Variants in PTPRG observed in about 807,000 individuals in gnomAD.
PTPRG encodes the protein receptor-type tyrosine-protein phosphatase gamma.
PTPRG carries 102 observed loss-of-function variants against 165.3 expected under a neutral mutation model. That is an observed-to-expected ratio of 0.62 (90% CI 0.53 to 0.73). The LOEUF (loss-of-function observed/expected upper bound fraction) is 0.73. PTPRG is among the 30% of genes least tolerant of loss of function. The probability of loss-of-function intolerance (pLI) is 0.00; values close to 1 mark genes in which losing one functional copy is unlikely to be tolerated. For synonymous variants in PTPRG, 675 were observed against 669.5 expected (o/e 1.01, Z -0.13); for missense variants, 1,866 against 1,861.4 (o/e 1.00, Z -0.05).
At chr3:61,796,202 T>A (rs1175273261) in intron 2 of PTPRG, among the ~76,000 whole-genome samples, 1 of 152,184 alleles carries the variant, frequency 6.6e-6, no homozygotes, top group Non-Finnish European at 1.5e-5. Flanking sequence ...AAGAGACAGA[T>A]CACCCAGGAG....
intron 7 of PTPRG, among the ~76,000 whole-genome samples, chr3:62,164,138 G>A (rs1424425002): frequency 6.6e-6 from 1 of 152,172 alleles, no homozygotes; most frequent in African/African-American, 2.4e-5. Context: ...AACTTTGTCC[G>A]TATGGTTTGT....
intron 2 of PTPRG, among the ~76,000 whole-genome samples, chr3:61,836,228 C>T (rs1426913450): frequency 6.6e-6 from 1 of 152,068 alleles, no homozygotes; most frequent in African/African-American, 2.4e-5. Flanking sequence ...AACCATTGTT[C>T]TTTGTTTAGG....
chr3:61,695,097 G>A (rs967440799), intron 1 of PTPRG, among the ~76,000 whole-genome samples: 5 of 151,420 alleles, frequency 3.3e-5, no homozygotes, highest in South Asian at 2.1e-4. Flanking sequence ...TGCAACCTCC[G>A]CCTCCCGGGT....
At chr3:62,089,544 A>T (rs775496264) in intron 5 of PTPRG, among the ~76,000 whole-genome samples, 2 of 152,188 alleles carry the variant, frequency 1.3e-5, no homozygotes, top group African/African-American at 2.4e-5. Context: ...CAGAATCTCA[A>T]TGTGATATAG....
At position 61,562,142 on chromosome 3, in the gene PTPRG, G is replaced by T; in HGVS notation, c.-146G>T. On this transcript the variant is annotated 5_prime_UTR_variant, in exon 1 of 30. In the 5' UTR this introduces an upstream ATG that the reference lacks. Transcript: ENST00000474889. ...CGCTCGGCGGCTTCCCGGATTCCAA[G>T]GGGACTCGGGCCGCCGAGCGCGGGG... The T allele has an allele frequency of 3.6e-6, 2 of 559,076 alleles. No individual in the cohort carries two copies. Among genetic ancestry groups the T allele is most frequent in the Non-Finnish European group, 3.2e-6 (1 of 314,758 alleles). The allele number at this position is 559,076 out of a possible 1,614,324, so 34.6% of individuals were successfully genotyped here. A position where few individuals can be genotyped will look rare whatever the true frequency, so the allele number is the denominator to read the frequency against.
intron 13 of PTPRG, among the ~76,000 whole-genome samples, chr3:62,226,581 T>G (rs1700768472): frequency 6.6e-6 from 1 of 152,212 alleles, no homozygotes; most frequent in African/African-American, 2.4e-5. Context: ...TGACCATAAT[T>G]CTAGCCTAGA....
At chr3:61,742,023 T>G (rs1423604445) in intron 1 of PTPRG, among the ~76,000 whole-genome samples, 2 of 152,172 alleles carry the variant, frequency 1.3e-5, no homozygotes, top group African/African-American at 4.8e-5. Context: ...GAGTAAAACT[T>G]AAGAAAAAAC....
At chr3:61,608,394 C>T (rs191205314) in intron 1 of PTPRG, among the ~76,000 whole-genome samples, 31 of 152,286 alleles carry the variant, frequency 2.0e-4, no homozygotes, top group African/African-American at 7.2e-4. Flanking sequence ...GATCTCACCA[C>T]GTGTGTAATG....
chr3:61,696,072 T>C (rs1482211913), intron 1 of PTPRG, among the ~76,000 whole-genome samples: 1 of 152,154 alleles, frequency 6.6e-6, no homozygotes, highest in Non-Finnish European at 1.5e-5. Context: ...ATGAAGACTT[T>C]GAGGGTGTTG....
In PTPRG at chr3:61,983,365, T is replaced by C. The variant is rs115375427; in HGVS notation, c.191-6260T>C. Among the ~76,000 whole-genome samples the C allele has an allele frequency of 8.9e-3, 1,356 of 152,274 alleles. 19 individuals are homozygous for C. The highest frequency in any genetic ancestry group is 0.03 in the African/African-American group (1,256 of 41,570). ...TACACATATTTTTGGATTGTTGCTA[T>C]TGGTTAAAAGTAGACAACAAAATGC... On this transcript the variant is annotated intron_variant, in intron 2 of 29. Coordinates refer to ENST00000474889, the MANE Select transcript of PTPRG (RefSeq NM_002841.4).
At chr3:62,010,542 G>A (rs2041397041) in intron 4 of PTPRG, among the ~76,000 whole-genome samples, 1 of 151,918 alleles carries the variant, frequency 6.6e-6, no homozygotes, top group Non-Finnish European at 1.5e-5. Flanking sequence ...TTGTTTTTGA[G>A]ATGAAGTTTT....
At chr3:61,585,301 AAAAG>A (rs1235391827) in intron 1 of PTPRG, among the ~76,000 whole-genome samples, 1 of 150,798 alleles carries the variant, frequency 6.6e-6, no homozygotes, top group East Asian at 2.0e-4. Flanking sequence ...AAAAAAAAGA[AAAAG>A]GAAGAAAAGA....
intron 1 of PTPRG, among the ~76,000 whole-genome samples, chr3:61,705,776 G>C (rs1423707086): frequency 1.3e-5 from 2 of 152,212 alleles, no homozygotes; most frequent in Non-Finnish European, 2.9e-5. Flanking sequence ...GTGGTACCCC[G>C]TATTCATCAT....
chr3:61,790,515 AG>A (rs1405496943), intron 2 of PTPRG, among the ~76,000 whole-genome samples: 1 of 152,232 alleles, frequency 6.6e-6, no homozygotes, highest in East Asian at 1.9e-4. Context: ...AGTTAGAAAA[AG>A]AACCATGGAA....
chr3:61,760,692 T>C (rs1285731947), intron 2 of PTPRG, among the ~76,000 whole-genome samples: 1 of 152,202 alleles, frequency 6.6e-6, no homozygotes, highest in Non-Finnish European at 1.5e-5. Flanking sequence ...TTGCTGCACC[T>C]ATCAACCCAT....
At chr3:62,091,869 C>T (rs1701941796) in intron 5 of PTPRG, among the ~76,000 whole-genome samples, 1 of 151,976 alleles carries the variant, frequency 6.6e-6, no homozygotes, top group Non-Finnish European at 1.5e-5. Context: ...TCCCCATGGT[C>T]TAAAGGGACG....
At chr3:61,914,790 CAAAT>C (rs1400430641) in intron 2 of PTPRG, among the ~76,000 whole-genome samples, 1 of 152,156 alleles carries the variant, frequency 6.6e-6, no homozygotes, top group Non-Finnish European at 1.5e-5. Flanking sequence ...ACACACAAAA[CAAAT>C]AAATTGTCAT....
In PTPRG at chr3:62,078,234, C is replaced by T. The variant is rs374241237; in HGVS notation, c.591C>T (p.Ile197=). 1.7e-5 allele frequency: 28 copies of T among 1,605,428 alleles called. No homozygotes were observed. The highest frequency in any genetic ancestry group is 1.2e-4 in the South Asian group (11 of 89,294). ...FQTAISENRI[I]GAMAIFFQVS... is the part of the protein sequence containing the mutation. ...CCGCAATTTCTGAGAACAGAATAAT[C>T]GGAGCCATGGCCATATTTTTTCAAG... is the stretch of plus-strand genomic sequence containing the variant. The change falls in exon 5 of 30, where the codon ATC becomes ATT. Residue 197 remains isoleucine (I), a synonymous_variant. Transcript: ENST00000474889.
At chr3:61,637,866 A>T (rs1343478051) in intron 1 of PTPRG, among the ~76,000 whole-genome samples, 3 of 152,198 alleles carry the variant, frequency 2.0e-5, no homozygotes, top group Non-Finnish European at 4.4e-5. Context: ...AGTGAGTGAT[A>T]TGTTGAGAGA....
Sources: allele counts gnomAD v4.1 joint callset (sites outside exome capture counted in the v4.1 genomes callset), GRCh38; gene constraint gnomAD v4.1.1; transcripts MANE v1.5; gene names NCBI Gene and HGNC (gene_info 2026-07-23, HGNC 2026-07-21).